Variants in XKR6 observed in about 807,000 individuals in gnomAD.
XKR6 encodes XK-related protein 6.
In XKR6, 22 loss-of-function variants were observed where a neutral mutation model predicts 56.7. The observed-to-expected ratio is 0.39, with a 90% confidence interval of 0.28 to 0.55. XKR6 has a LOEUF of 0.55. XKR6 is among the 20% of genes least tolerant of loss of function. XKR6 has a pLI of 0.66. For missense variants in XKR6, 852 were observed against 889.0 expected, an observed-to-expected ratio of 0.96 and a Z score of 0.53; for synonymous variants, 524 against 387.8, an observed-to-expected ratio of 1.35 and a Z score of -4.13.
intron 1 of XKR6, among the ~76,000 whole-genome samples, chr8:10,961,131 G>A (rs1178523097): frequency 6.6e-6 from 1 of 152,142 alleles, no homozygotes; most frequent in Non-Finnish European, 1.5e-5. Flanking sequence ...TGGAGGGGAA[G>A]GCTGTGAGCG....
intron 1 of XKR6, among the ~76,000 whole-genome samples, chr8:11,121,947 A>G (rs1799479211): frequency 6.6e-6 from 1 of 152,258 alleles, no homozygotes; most frequent in South Asian, 2.1e-4. Context: ...AAAAAACCAT[A>G]TACCACATGT....
intron 1 of XKR6, among the ~76,000 whole-genome samples, chr8:11,190,227 A>AAAG (rs1554482982): frequency 3.2e-5 from 4 of 124,716 alleles, no homozygotes; most frequent in African/African-American, 1.3e-4. Flanking sequence ...AAAGAAAGAG[A>AAAG]AAAGAAAAAA....
chr8:11,056,206 G>A (rs1173323890), intron 1 of XKR6, among the ~76,000 whole-genome samples: 1 of 152,222 alleles, frequency 6.6e-6, no homozygotes. Context: ...AGACTGGGAG[G>A]CAGAAGCAAA....
chr8:11,174,102 TTTCTATTAA>T (rs1376334071), intron 1 of XKR6, among the ~76,000 whole-genome samples: 3 of 152,252 alleles, frequency 2.0e-5, no homozygotes, highest in Non-Finnish European at 4.4e-5. Flanking sequence ...ACTCGATTAA[TTTCTATTAA>T]TTCTATTAAT....
chr8:11,175,969 A>C (rs770880306), intron 1 of XKR6, among the ~76,000 whole-genome samples: 2 of 152,240 alleles, frequency 1.3e-5, no homozygotes, highest in Non-Finnish European at 2.9e-5. Flanking sequence ...TTACATTTGA[A>C]GCCTGACAAA....
In XKR6 at chr8:10,908,967, C is replaced by A. The variant is rs188082679; in HGVS notation, c.962-10051G>T. ...ATCACTTGAGGTCAGGAGTTTGAGA[C>A]TAGCCTAGCCAACATGGCGAAACCG... On this transcript the variant is annotated intron_variant, in intron 2 of 2. Transcript: ENST00000416569. 4.4e-3 allele frequency among the ~76,000 whole-genome samples: 675 copies of A among 152,310 alleles called. 6 individuals carry two copies. The highest frequency in any genetic ancestry group is 0.033 in the South Asian group (159 of 4,822).
intron 1 of XKR6, among the ~76,000 whole-genome samples, chr8:11,178,576 A>ATACATATATATATATATG (rs1802795980): frequency 7.4e-6 from 1 of 135,962 alleles, no homozygotes; most frequent in Non-Finnish European, 1.6e-5. Flanking sequence ...ATATATATGT[A>ATACATATATATATATATG]TATATATATG....
Position 10,984,732 on chromosome 8 carries a change from C to CTCTCTCTCTA in XKR6, c.765-59903_765-59902insTAGAGAGAGA. On this transcript the variant is annotated intron_variant, in intron 1 of 2. Transcript: ENST00000416569. ...TCTCTCTCTCTCTCTCTCTCTCTCT[C>CTCTCTCTCTA]TATATATATATATATATATATATAT... Among the ~76,000 whole-genome samples, 39 of 47,470 alleles carry CTCTCTCTCTA rather than the reference C, an allele frequency of 8.2e-4. 2 individuals carry two copies. The highest frequency in any genetic ancestry group is 2.9e-3 in the African/African-American group (32 of 11,098). 31.1% of individuals were successfully genotyped at this position (47,470 alleles called of 152,430 possible).
intron 1 of XKR6, among the ~76,000 whole-genome samples, chr8:11,080,433 G>A (rs1008689745): frequency 6.6e-6 from 1 of 152,144 alleles, no homozygotes; most frequent in African/African-American, 2.4e-5. Context: ...CAATTCCTCT[G>A]ACCTGATTAT....
intron 1 of XKR6, among the ~76,000 whole-genome samples, chr8:10,940,144 G>A (rs1280262994): frequency 6.6e-6 from 1 of 152,220 alleles, no homozygotes; most frequent in Non-Finnish European, 1.5e-5. Flanking sequence ...CACATGGTGT[G>A]CCCTGGACCC....
intron 1 of XKR6, among the ~76,000 whole-genome samples, chr8:11,185,243 C>T (rs1447835870): frequency 6.6e-6 from 1 of 152,162 alleles, no homozygotes; most frequent in East Asian, 1.9e-4. Flanking sequence ...AATTATCTCA[C>T]GTTGCATTAA....
chr8:11,200,500 G>A lies in XKR6; in HGVS notation c.764+76C>T. ...CCCCCGCGCTGGGCCCTTTCGAGGGGCCGCCCCGCGAAGCACCGGGAGGGC... is the reference window on the plus strand; with the variant it reads ...CCCCCGCGCTGGGCCCTTTCGAGGGACCGCCCCGCGAAGCACCGGGAGGGC... On this transcript the variant is annotated intron_variant, in intron 1 of 2. Coordinates refer to ENST00000416569, the MANE Select transcript of XKR6 (RefSeq NM_173683.4). This position sits in a 1 kb window ranked among gnomAD's most constrained non-coding sequence, Gnocchi z 6.4. 1 of 1,364,150 alleles carries A rather than the reference G, an allele frequency of 7.3e-7. No homozygotes were observed. Among genetic ancestry groups the A allele is most frequent in the Non-Finnish European group, 9.4e-7 (1 of 1,065,686 alleles). 84.5% of individuals were successfully genotyped at this position (1,364,150 alleles called of 1,614,324 possible).
chr8:10,959,600 G>A (rs1282376577), intron 1 of XKR6, among the ~76,000 whole-genome samples: 1 of 152,052 alleles, frequency 6.6e-6, no homozygotes, highest in African/African-American at 2.4e-5. Context: ...GTGTCTCCTC[G>A]TCTTCTTATA....
intron 1 of XKR6, among the ~76,000 whole-genome samples, chr8:11,129,569 G>T (rs1052324627): frequency 7.2e-5 from 11 of 152,114 alleles, no homozygotes; most frequent in Admixed American, 3.3e-4. Context: ...AATATTCATG[G>T]TACACGAACA....
intron 1 of XKR6, among the ~76,000 whole-genome samples, chr8:11,172,886 A>C (rs971090675): frequency 1.3e-5 from 2 of 152,214 alleles, no homozygotes; most frequent in African/African-American, 2.4e-5. Flanking sequence ...CAAAACCACA[A>C]GAAAGATTCT....
chr8:11,162,355 T>C (rs1266860516), intron 1 of XKR6, among the ~76,000 whole-genome samples: 1 of 152,018 alleles, frequency 6.6e-6, no homozygotes, highest in Non-Finnish European at 1.5e-5. Context: ...CCTCCCAAAC[T>C]CACTCCAGCT....
In XKR6 at chr8:11,136,041, T is replaced by C. The variant is rs114373727; in HGVS notation, c.764+64535A>G. 5.9e-3 allele frequency among the ~76,000 whole-genome samples: 902 copies of C among 152,296 alleles called. 12 individuals are homozygous for C. Among genetic ancestry groups the C allele is most frequent in the African/African-American group, 0.021 (870 of 41,562 alleles). Reference sequence around the variant, plus strand: ...TATGGAATTGAGATATTTCTTACAATAGATGGCACCTTATAAATTATTGCC... The same window carrying C: ...TATGGAATTGAGATATTTCTTACAACAGATGGCACCTTATAAATTATTGCC... On this transcript the variant is annotated intron_variant, in intron 1 of 2. Transcript: ENST00000416569.
At chr8:10,909,699 G>A (rs1028107440) in intron 2 of XKR6, among the ~76,000 whole-genome samples, 4 of 152,182 alleles carry the variant, frequency 2.6e-5, no homozygotes, top group African/African-American at 9.7e-5. Context: ...AGTTCCTTGG[G>A]AGCATTTATG....
rs367949206 is a variant in XKR6 at position 10,971,222 on chromosome 8, T to C, written c.765-46392A>G. Among the ~76,000 whole-genome samples the C allele has an allele frequency of 3.8e-4, 58 of 151,644 alleles. 1 individual carries two copies. The highest frequency in any genetic ancestry group is 1.1e-3 in the African/African-American group (44 of 41,268). ...GGATCACGAGGTCAGGAGATCAAGA[T>C]CATCCTGGCTAACACGGCGAAACTC... On this transcript the variant is annotated intron_variant, in intron 1 of 2. Transcript: ENST00000416569.
Sources: allele counts gnomAD v4.1 joint callset (sites outside exome capture counted in the v4.1 genomes callset), GRCh38; gene constraint gnomAD v4.1.1; non-coding constraint Gnocchi (gnomAD v3.1); transcripts MANE v1.5; gene names NCBI Gene and HGNC (gene_info 2026-07-23, HGNC 2026-07-21).